MTCH2: variants seen among roughly 807,000 people sequenced by gnomAD.
MTCH2 encodes mitochondrial carrier 2.
MTCH2 carries 25 observed loss-of-function variants against 50.6 expected under a neutral mutation model. That is an observed-to-expected ratio of 0.49 (90% CI 0.36 to 0.69). The LOEUF (loss-of-function observed/expected upper bound fraction) is 0.69, where lower values mean the gene tolerates loss of function less well. Ranked by LOEUF, MTCH2 falls within the 30% of genes least tolerant of loss-of-function variation. The pLI is 0.00. For synonymous variants in MTCH2, 106 were observed against 132.0 expected (o/e 0.80, Z 1.35); for missense variants, 273 against 384.4 (o/e 0.71, Z 2.42).
chr11:47,622,771 G>T lies in MTCH2; in HGVS notation c.755C>A (p.Ala252Asp). ...NLMAVNNCGLAGGCPPYSPIY... is the reference protein window; with the variant it reads ...NLMAVNNCGLDGGCPPYSPIY... The stretch of plus-strand genomic sequence containing the variant: ...TGGGGAGTAAGGAGGGCATCCACCA[G>T]CAAGACTAAAATAGAAAAAAACATG... Residue 252 changes from alanine to aspartate, a missense_variant, in exon 12 of 13, where the codon GCT (alanine) becomes GAT (aspartate). Transcript: ENST00000302503. The T allele has an allele frequency of 6.2e-7, 1 of 1,605,452 alleles. No homozygotes were observed. The highest frequency in any genetic ancestry group is 8.5e-7 in the Non-Finnish European group (1 of 1,173,636).
chr11:47,616,586 C>A (rs1448558615), downstream of MTCH2, among the ~76,000 whole-genome samples: 1 of 152,070 alleles, frequency 6.6e-6, no homozygotes, highest in Non-Finnish European at 1.5e-5. Flanking sequence ...CTCAGCCTCC[C>A]AAAGTGTTAG....
intron 12 of MTCH2, among the ~76,000 whole-genome samples, chr11:47,620,926 C>G (rs554638254): frequency 6.6e-6 from 1 of 152,310 alleles, no homozygotes; most frequent in African/African-American, 2.4e-5. Flanking sequence ...AATGCCCAAT[C>G]AAGATTTGCT....
intron 3 of MTCH2, among the ~76,000 whole-genome samples, chr11:47,635,785 T>TA (rs1429758513): frequency 6.6e-6 from 1 of 151,960 alleles, no homozygotes; most frequent in Non-Finnish European, 1.5e-5. Context: ...AAGTTTAACA[T>TA]ATTGGTCAGT....
intron 1 of MTCH2, among the ~76,000 whole-genome samples, chr11:47,640,470 G>A (rs1051367013): frequency 1.3e-4 from 20 of 151,956 alleles, no homozygotes; most frequent in Non-Finnish European, 2.9e-5. Context: ...AGGCTGGAGT[G>A]CAGTGGCACG....
intron 5 of MTCH2, among the ~76,000 whole-genome samples, chr11:47,632,695 G>A (rs1257759569): frequency 6.6e-6 from 1 of 150,740 alleles, no homozygotes; most frequent in Non-Finnish European, 1.5e-5. Flanking sequence ...TGGTCACTGA[G>A]TTTTTTCTTT....
the MTCH2 span, among the ~76,000 whole-genome samples, chr11:47,604,417 G>C: frequency 1.3e-5 from 2 of 152,182 alleles, no homozygotes; most frequent in African/African-American, 4.8e-5. Flanking sequence ...TAGTAGGAGG[G>C]TAAAATGACA....
chr11:47,629,043 A>G lies in MTCH2; in HGVS notation c.543T>C (p.Gly181=). 1 of 1,612,800 alleles carries G rather than the reference A, an allele frequency of 6.2e-7. No homozygotes were observed. Among genetic ancestry groups the G allele is most frequent in the Non-Finnish European group, 8.5e-7 (1 of 1,179,270 alleles). Residue 181 remains glycine (G), a synonymous_variant, in exon 9 of 13, where the codon GGT becomes GGC. Transcript: ENST00000302503. ...REEGILGFFA[G]LVPRLLGDIL... is the part of the protein sequence containing the mutation. The stretch of plus-strand genomic sequence containing the variant: ...TGTCACCTAGAAGGCGAGGAACAAG[A>G]CCCCTACATGAAGAAACAATAAAAA...
rs540003346 is a variant in MTCH2 at position 47,623,630 on chromosome 11, C to T, written c.750-854G>A. On this transcript the variant is annotated intron_variant, in intron 11 of 12. Transcript: ENST00000302503. ...ACAGCTTGCCAGGAGTAACATGAAA[C>T]AAACAAAACCAGAAAACAAACAATG... 5.3e-5 allele frequency among the ~76,000 whole-genome samples: 8 copies of T among 152,168 alleles called. No homozygotes were observed. The East Asian group carries it at 1.5e-3, about 29-fold the overall frequency.
At chr11:47,626,031 A>G (rs1312684060) in intron 10 of MTCH2, among the ~76,000 whole-genome samples, 1 of 149,996 alleles carries the variant, frequency 6.7e-6, no homozygotes, top group African/African-American at 2.5e-5. Flanking sequence ...TTTTTTTGAG[A>G]TGGAGTTTCC....
chr11:47,609,187 G>C, the MTCH2 span, among the ~76,000 whole-genome samples: 2 of 150,760 alleles, frequency 1.3e-5, no homozygotes, highest in South Asian at 4.2e-4. Context: ...GGGCGCGGTG[G>C]CTCACGCTTA....
chr11:47,642,278 G>A (rs1332106574), intron 1 of MTCH2, 101 bp downstream of exon 1: 6 of 1,002,106 alleles, frequency 6.0e-6, no homozygotes, highest in Non-Finnish European at 8.7e-6. Flanking sequence ...AGCATCTCGG[G>A]AGAATGAAAG....
chr11:47,619,172 T>C (rs1354316132), intron 12 of MTCH2, among the ~76,000 whole-genome samples: 1 of 152,254 alleles, frequency 6.6e-6, no homozygotes, highest in Non-Finnish European at 1.5e-5. Context: ...ACTTTCCAGC[T>C]GGCTTAGCAA....
chr11:47,625,350 G>C (rs2097296994), intron 11 of MTCH2, among the ~76,000 whole-genome samples: 1 of 151,190 alleles, frequency 6.6e-6, no homozygotes, highest in African/African-American at 2.4e-5. Flanking sequence ...TTGAATCCAG[G>C]AGGTGGAGGT....
At chr11:47,636,395 CT>C (rs1252138542) in intron 3 of MTCH2, among the ~76,000 whole-genome samples, 1 of 151,076 alleles carries the variant, frequency 6.6e-6, no homozygotes, top group Admixed American at 6.6e-5. Context: ...GATCACATCA[CT>C]GCACTCCAGC....
chr11:47,618,646 G>C lies in MTCH2; in HGVS notation c.*187C>G. 1.8e-6 allele frequency: 1 copy of C among 557,822 alleles called. No homozygotes were observed. The highest frequency in any genetic ancestry group is 3.1e-6 in the Non-Finnish European group (1 of 319,470). 34.6% of individuals were successfully genotyped at this position (557,822 alleles called of 1,614,324 possible). On this transcript the variant is annotated 3_prime_UTR_variant, in exon 13 of 13. Transcript: ENST00000302503. ...ATCCTAATTCAGAATAACTAAAGGGGGAGTATCAGTGGTAAGTTATGTTGT... is the reference window on the plus strand; with the variant it reads ...ATCCTAATTCAGAATAACTAAAGGGCGAGTATCAGTGGTAAGTTATGTTGT...
At chr11:47,621,001 T>A (rs966970047) in intron 12 of MTCH2, among the ~76,000 whole-genome samples, 1 of 152,228 alleles carries the variant, frequency 6.6e-6, no homozygotes, top group African/African-American at 2.4e-5. Context: ...CGTAATCCAT[T>A]CTCTGTCTGC....
chr11:47,623,430 T>TGA (rs1363506726), intron 11 of MTCH2, among the ~76,000 whole-genome samples: 1 of 148,608 alleles, frequency 6.7e-6, no homozygotes, highest in East Asian at 2.0e-4. Flanking sequence ...AACTAACTGG[T>TGA]GTTCACAAAG....
chr11:47,629,096 A>G, intron 8 of MTCH2, 50 bp from the exon 9 acceptor site: 1 of 1,416,106 alleles, frequency 7.1e-7, no homozygotes, highest in Non-Finnish European at 9.9e-7. Flanking sequence ...GATCAGTAAC[A>G]TGACAGGCTC....
rs150517824 is a variant in MTCH2 at position 47,632,513 on chromosome 11, C to T, written c.370-802G>A. 6.7e-3 allele frequency among the ~76,000 whole-genome samples: 1,011 copies of T among 151,960 alleles called. 28 individuals carry two copies. Among genetic ancestry groups the T allele is most frequent in the Admixed American group, 0.055 (835 of 15,250 alleles). On this transcript the variant is annotated intron_variant, in intron 5 of 12. Coordinates refer to ENST00000302503, the MANE Select transcript of MTCH2 (RefSeq NM_014342.4). Reference sequence around the variant, plus strand: ...GGACTACAGGCACCCGCCATCATGCCCGGCTAATTTTTTTTCTTTGTATTT... The same window carrying T: ...GGACTACAGGCACCCGCCATCATGCTCGGCTAATTTTTTTTCTTTGTATTT...
Sources: allele counts gnomAD v4.1 joint callset (sites outside exome capture counted in the v4.1 genomes callset), GRCh38; gene constraint gnomAD v4.1.1; transcripts MANE v1.5; gene names NCBI Gene and HGNC (gene_info 2026-07-23, HGNC 2026-07-21).